EXOSC9: variants seen among roughly 807,000 people sequenced by gnomAD.
EXOSC9 encodes the protein exosome component 9.
Under a neutral mutation model 56.5 loss-of-function variants are expected in EXOSC9, and 38 were observed. That is an observed-to-expected ratio of 0.67 (90% CI 0.52 to 0.88). EXOSC9 has a LOEUF of 0.88. Ranked by LOEUF, EXOSC9 falls within the 40% of genes least tolerant of loss-of-function variation. The pLI, the probability that EXOSC9 is intolerant of heterozygous loss-of-function variation, is 0.00. For synonymous variants in EXOSC9, 170 were observed against 170.8 expected (o/e 0.99, Z 0.04); for missense variants, 559 against 530.5 (o/e 1.05, Z -0.53).
rs1560626467 is a variant in EXOSC9 at position 121,811,595 on chromosome 4, A to G, written c.751A>G (p.Ser251Gly). 1.3e-6 allele frequency: 2 copies of G among 1,580,046 alleles called. No individual in the cohort carries two copies. Among genetic ancestry groups the G allele is most frequent in the Non-Finnish European group, 1.7e-6 (2 of 1,161,226 alleles). Residue 251 changes from serine to glycine, a missense_variant, in exon 8 of 12, where the codon AGT (serine) becomes GGT (glycine). Ser to Gly is a moderately conservative substitution (Grantham distance 56). Transcript: ENST00000243498. ...MLLKDQVLRC[S>G]KIAGVKVAEI... ...CTTTTATAAATAGGTTCTGAGATGC[A>G]GTAAAATCGCTGGTGTGAAAGTAGC...
In EXOSC9 at chr4:121,804,712, C is replaced by A. The variant is rs775399844; in HGVS notation, c.475C>A (p.His159Asn). 1.9e-6 allele frequency: 3 copies of A among 1,613,000 alleles called. No homozygotes were observed. Among genetic ancestry groups the A allele is most frequent in the South Asian group, 2.2e-5 (2 of 90,870 alleles). Residue 159 changes from histidine (H) to asparagine (N), a missense_variant, in exon 5 of 12, where the codon CAT (histidine) becomes AAT (asparagine). Transcript: ENST00000243498. ...ASIAAIVALCHFRRPDVSVQG... is the reference protein window; with the variant it reads ...ASIAAIVALCNFRRPDVSVQG... The stretch of plus-strand genomic sequence containing the variant: ...CATTGCTGCAATCGTGGCCTTATGT[C>A]ATTTCCGAAGACCTGATGTCTCTGT...
chr4:121,813,471 T>C lies in EXOSC9; in HGVS notation c.974+91T>C, dbSNP rs1724332040. On this transcript the variant is annotated intron_variant, in intron 9 of 11. Transcript: ENST00000243498. ...ATATGAAGGATGTGTATACTGAAAT[T>C]AGTTTTTGTAAACACTGTACTTTGT... is the stretch of plus-strand genomic sequence containing the variant. 2.3e-5 allele frequency: 26 copies of C among 1,152,240 alleles called. 1 individual carries two copies. In the South Asian group the frequency reaches 3.7e-4, roughly 17 times the overall value. The allele number at this position is 1,152,240 out of a possible 1,614,324, so 71.4% of individuals were successfully genotyped here.
intron 10 of EXOSC9, chr4:121,815,914 A>G: frequency 8.3e-7 from 1 of 1,203,006 alleles, no homozygotes; most frequent in Non-Finnish European, 1.0e-6. Context: ...GTTACAGATG[A>G]GTTCTAGAGT....
In EXOSC9 at chr4:121,813,213, CA is replaced by C. The variant is rs773845185; in HGVS notation, c.828-14del. On this transcript the variant is annotated intron_variant, in intron 8 of 11. Coordinates refer to ENST00000243498, the MANE Select transcript of EXOSC9 (RefSeq NM_005033.3). ...TACCTTCCTCCCCCTTCCTTCCCAC[CA>C]AAAAAACCCCCACATACAGGAAAGA... 2.6e-5 allele frequency: 41 copies of C among 1,585,416 alleles called. No homozygotes were observed. The highest frequency in any genetic ancestry group is 9.0e-5 in the Admixed American group (5 of 55,858).
chr4:121,813,490 A>T (rs1724332684), intron 9 of EXOSC9, 110 bp downstream of exon 9: 1 of 916,984 alleles, frequency 1.1e-6, no homozygotes, highest in East Asian at 2.4e-5. Context: ...TAAACACTGT[A>T]CTTTGTTAGA....
At chr4:121,804,450 C>A in intron 4 of EXOSC9, 172 bp from the exon 5 acceptor site, 1 of 473,958 alleles carries the variant, frequency 2.1e-6, no homozygotes, top group South Asian at 4.3e-5. Flanking sequence ...CATAGTATTT[C>A]AGATGTTTGG....
chr4:121,802,821 T>G (rs906836773), intron 3 of EXOSC9, 28 bp downstream of exon 3: 12 of 1,613,372 alleles, frequency 7.4e-6, no homozygotes, highest in Non-Finnish European at 8.5e-6. Context: ...TTAAGTTGCT[T>G]TAGTCATAGG....
At chr4:121,814,112 A>G in intron 10 of EXOSC9, 65 bp downstream of exon 10, 1 of 966,052 alleles carries the variant, frequency 1.0e-6, no homozygotes, top group South Asian at 1.5e-5. Flanking sequence ...GTATAGTTAT[A>G]TATATAATGC....
chr4:121,802,068 T>G, intron 2 of EXOSC9, 147 bp downstream of exon 2: 1 of 639,160 alleles, frequency 1.6e-6, no homozygotes, highest in Non-Finnish European at 2.7e-6. Flanking sequence ...ATGCGAGATT[T>G]TTTGCTTTTG....
chr4:121,812,294 C>A (rs1727234446), intron 8 of EXOSC9, among the ~76,000 whole-genome samples: 1 of 152,118 alleles, frequency 6.6e-6, no homozygotes, highest in Non-Finnish European at 1.5e-5. Context: ...GGAAATGGCC[C>A]TAAATGGTCT....
chr4:121,801,672 G>A, intron 1 of EXOSC9, 155 bp from the exon 2 acceptor site: 8 of 781,160 alleles, frequency 1.0e-5, no homozygotes, highest in Non-Finnish European at 1.7e-5. Context: ...AGTCACCGCA[G>A]CAGTTGTCCA....
At chr4:121,807,670 T>G (rs750033896) in intron 6 of EXOSC9, 48 bp downstream of exon 6, 2 of 1,098,162 alleles carry the variant, frequency 1.8e-6, no homozygotes, top group South Asian at 2.5e-5. Flanking sequence ...CAGCTAGGAA[T>G]TTTATTGCTC....
intron 11 of EXOSC9, 39 bp downstream of exon 11, chr4:121,816,486 C>A: frequency 1.6e-6 from 2 of 1,275,352 alleles, no homozygotes; most frequent in Non-Finnish European, 2.2e-6. Flanking sequence ...TATACATATA[C>A]TCAACACTTA....
chr4:121,804,351 A>G, intron 4 of EXOSC9: 1 of 233,498 alleles, frequency 4.3e-6, no homozygotes. Context: ...ATAAAAATGT[A>G]ATTAGATTTG....
intron 8 of EXOSC9, among the ~76,000 whole-genome samples, chr4:121,812,651 C>T (rs190913900): frequency 8.5e-5 from 13 of 152,174 alleles, no homozygotes; most frequent in East Asian, 5.8e-4. Flanking sequence ...CCACCATGCC[C>T]GGCTAATTTT....
chr4:121,810,281 T>TC (rs1013714111), intron 7 of EXOSC9, among the ~76,000 whole-genome samples, 182 bp downstream of exon 7: 2 of 152,100 alleles, frequency 1.3e-5, no homozygotes, highest in African/African-American at 4.8e-5. Context: ...TGAGGTATCC[T>TC]CCTCCTTCCT....
At position 121,813,444 on chromosome 4, in the gene EXOSC9, C is replaced by T. The variant is rs547178733; in HGVS notation, c.974+64C>T. ...TAACACTTGGCATTATAATATTAGG[C>T]TATATGAAGGATGTGTATACTGAAA... On this transcript the variant is annotated intron_variant, in intron 9 of 11. Coordinates refer to ENST00000243498, the MANE Select transcript of EXOSC9 (RefSeq NM_005033.3). 2.1e-6 allele frequency: 3 copies of T among 1,418,542 alleles called. No homozygotes were observed. In the African/African-American group the frequency reaches 4.3e-5, roughly 20 times the overall value. The allele number at this position is 1,418,542 out of a possible 1,614,324, so 87.9% of individuals were successfully genotyped here.
chr4:121,808,458 C>T (rs774980948), intron 6 of EXOSC9, among the ~76,000 whole-genome samples: 4 of 152,112 alleles, frequency 2.6e-5, no homozygotes, highest in Non-Finnish European at 5.9e-5. Context: ...TTTCTGGGCT[C>T]AATGAATTCT....
chr4:121,813,519 A>T, intron 9 of EXOSC9, 139 bp downstream of exon 9: 1 of 752,064 alleles, frequency 1.3e-6, no homozygotes, highest in Non-Finnish European at 2.2e-6. Context: ...TTAAAATACA[A>T]GATAGAGATG....
Sources: gnomAD v4.1 joint callset for allele counts (sites outside exome capture counted in the v4.1 genomes callset) on GRCh38, gnomAD v4.1.1 for gene constraint, MANE v1.5 for transcripts, NCBI Gene and HGNC (gene_info 2026-07-23, HGNC 2026-07-21) for gene names.